Variants in ABCG8 observed in about 807,000 individuals in gnomAD.
The protein encoded by ABCG8 is ATP binding cassette subfamily G member 8.
ABCG8 carries 81 observed loss-of-function variants against 71.3 expected under a neutral mutation model. The observed-to-expected ratio is 1.14, with a 90% CI of 0.95 to 1.37. The LOEUF (loss-of-function observed/expected upper bound fraction) is 1.37. Ranked by LOEUF, ABCG8 falls within the 40% of genes most tolerant of loss-of-function variation. ABCG8 has a pLI of 0.00. For missense variants in ABCG8, 1,119 were observed against 866.2 expected (o/e 1.29, Z -3.66); for synonymous variants, 451 against 354.7 (o/e 1.27, Z -3.05).
intron 6 of ABCG8, among the ~76,000 whole-genome samples, chr2:43,857,464 G>C (rs190898285): frequency 6.6e-6 from 1 of 151,120 alleles, no homozygotes; most frequent in African/African-American, 2.4e-5. Flanking sequence ...ACTCTATATA[G>C]AACTCTCACT....
At chr2:43,846,593 G>C (rs894120653) in intron 3 of ABCG8, 2 of 442,106 alleles carry the variant, frequency 4.5e-6, no homozygotes, top group Non-Finnish European at 8.4e-6. Flanking sequence ...CCTGGACGGA[G>C]AGATCAGCAA....
chr2:43,863,074 G>A (rs1374662730), intron 6 of ABCG8, among the ~76,000 whole-genome samples: 1 of 150,768 alleles, frequency 6.6e-6, no homozygotes, highest in African/African-American at 2.4e-5. Flanking sequence ...TATCTTGATA[G>A]GGTTCTCACC....
chr2:43,839,102 C>T lies in ABCG8; in HGVS notation c.49C>T (p.Pro17Ser), dbSNP rs1668464670. 1 of 1,551,234 alleles carries T rather than the reference C, an allele frequency of 6.4e-7. No individual in the cohort carries two copies. The highest frequency in any genetic ancestry group is 1.4e-5 in the African/African-American group (1 of 73,174). The stretch of plus-strand genomic sequence containing the variant: ...GAGAGGGCTGCCGAAAGGGGCCACT[C>T]CCCAGGATACCTCGGTGAGTGAGCA... ...EERGLPKGATPQDTSGLQDRL... is the reference protein window; with the variant it reads ...EERGLPKGATSQDTSGLQDRL... The change falls in exon 1 of 13, where the codon CCC (proline) becomes TCC (serine). Residue 17 changes from proline to serine, a missense_variant. Coordinates refer to ENST00000272286, the MANE Select transcript of ABCG8 (RefSeq NM_022437.3).
chr2:43,877,936 T>C lies in ABCG8; in HGVS notation c.*23T>C, dbSNP rs1385780959. On this transcript the variant is annotated 3_prime_UTR_variant, in exon 13 of 13. Coordinates refer to ENST00000272286, the MANE Select transcript of ABCG8 (RefSeq NM_022437.3). The stretch of plus-strand genomic sequence containing the variant: ...TGATTCACGCCAGACGTCTGCCCGC[T>C]GGTGGGGGACCTGAGCAGACCCTTC... 1 of 1,614,078 alleles carries C rather than the reference T, an allele frequency of 6.2e-7. No homozygotes were observed.
chr2:43,860,346 C>T (rs1413859572), intron 6 of ABCG8, among the ~76,000 whole-genome samples: 1 of 148,864 alleles, frequency 6.7e-6, no homozygotes, highest in African/African-American at 2.5e-5. Flanking sequence ...ATAGAACTCT[C>T]ACTATTTGGA....
At position 43,882,860 on chromosome 2, in the gene ABCG8, T is replaced by C. The variant is rs1670169101; in HGVS notation, c.*4947T>C. On this transcript the variant is annotated 3_prime_UTR_variant, in exon 13 of 13. Coordinates refer to ENST00000272286, the MANE Select transcript of ABCG8 (RefSeq NM_022437.3). ...CCAACTCAAAAACACTTCTCTGCTTTCTATGTAATAGTGCTCACATCATTT... is the reference window on the plus strand; with the variant it reads ...CCAACTCAAAAACACTTCTCTGCTTCCTATGTAATAGTGCTCACATCATTT... 1 of 152,286 alleles carries C rather than the reference T, an allele frequency of 6.6e-6. No individual in the cohort carries two copies. The highest frequency in any genetic ancestry group is 1.5e-5 in the Non-Finnish European group (1 of 68,052). The allele number at this position is 152,286 out of a possible 1,614,324, so 9.4% of individuals were successfully genotyped here.
intron 6 of ABCG8, among the ~76,000 whole-genome samples, chr2:43,862,942 G>C (rs1669379943): frequency 6.6e-6 from 1 of 150,858 alleles, no homozygotes; most frequent in South Asian, 2.1e-4. Flanking sequence ...TCACTCTCTG[G>C]ATAGAACTCT....
chr2:43,839,061 G>T lies in ABCG8; in HGVS notation c.8G>T (p.Gly3Val), dbSNP rs778143236. The T allele has an allele frequency of 5.2e-6, 8 of 1,550,974 alleles. No homozygotes were observed. The highest frequency in any genetic ancestry group is 5.2e-6 in the Non-Finnish European group (6 of 1,146,802). MAGKAAEERGLPK... is the reference protein window; with the variant it reads MAVKAAEERGLPK... ...CACAGACCTGTGGGCCCCATGGCCG[G>T]GAAGGCGGCAGAGGAGAGAGGGCTG... Residue 3 changes from glycine to valine, a missense_variant, in exon 1 of 13, where the codon GGG (glycine) becomes GTG (valine). Gly to Val is a moderately radical substitution (Grantham distance 109, BLOSUM62 -3). Coordinates refer to ENST00000272286, the MANE Select transcript of ABCG8 (RefSeq NM_022437.3).
intron 6 of ABCG8, among the ~76,000 whole-genome samples, chr2:43,865,767 A>C (rs1220382055): frequency 1.4e-4 from 22 of 151,830 alleles, no homozygotes; most frequent in Non-Finnish European, 1.5e-5. Flanking sequence ...AAGTCTCACT[A>C]TCAGTCTGGA....
chr2:43,872,164 G>A lies in ABCG8; in HGVS notation c.1127+26G>A, dbSNP rs775349904. On this transcript the variant is annotated intron_variant, in intron 7 of 12. Coordinates refer to ENST00000272286, the MANE Select transcript of ABCG8 (RefSeq NM_022437.3). ...GTAAGGTGGCAGGCGACTCTGAGAG[G>A]AGAGCTCCCTGCAGAAGGTGGCTGC... is the stretch of plus-strand genomic sequence containing the variant. 4 of 1,613,940 alleles carry A rather than the reference G, an allele frequency of 2.5e-6. No individual in the cohort carries two copies. The Admixed American group carries it at 5.0e-5, about 20-fold the overall frequency.
At position 43,875,378 on chromosome 2, in the gene ABCG8, G is replaced by A. The variant is rs1325979386; in HGVS notation, c.1721G>A (p.Gly574Glu). 7 of 1,614,112 alleles carry A rather than the reference G, an allele frequency of 4.3e-6. No homozygotes were observed. The South Asian group carries it at 4.4e-5, about 10-fold the overall frequency. ...CTCTACAACTCCTTCTACCTCGCCG[G>A]GGGCTTCATGATAAACTTGAGCAGC... ...NALYNSFYLAGGFMINLSSLW... is the reference protein window; with the variant it reads ...NALYNSFYLAEGFMINLSSLW... The change falls in exon 11 of 13, where the codon GGG (glycine) becomes GAG (glutamate). Residue 574 changes from glycine to glutamate, a missense_variant. Gly to Glu is a moderately conservative substitution (Grantham distance 98). Transcript: ENST00000272286.
In ABCG8 at chr2:43,839,135, G is replaced by C; in HGVS notation, c.63+19G>C. 1 of 1,551,054 alleles carries C rather than the reference G, an allele frequency of 6.4e-7. No individual in the cohort carries two copies. Among genetic ancestry groups the C allele is most frequent in the Non-Finnish European group, 8.7e-7 (1 of 1,146,684 alleles). On this transcript the variant is annotated intron_variant, in intron 1 of 12. Coordinates refer to ENST00000272286, the MANE Select transcript of ABCG8 (RefSeq NM_022437.3). ...TACCTCGGTGAGTGAGCAATGGGAA[G>C]TCGGCCCAGGCCTGGTGGGCGGGTA...
At chr2:43,860,625 A>G (rs1383031673) in intron 6 of ABCG8, among the ~76,000 whole-genome samples, 1 of 146,396 alleles carries the variant, frequency 6.8e-6, no homozygotes, top group Non-Finnish European at 1.5e-5. Context: ...AACTCTCACT[A>G]CCTATCTGGA....
intron 10 of ABCG8, 150 bp downstream of exon 10, chr2:43,874,633 G>T: frequency 1.4e-6 from 1 of 725,158 alleles, no homozygotes; most frequent in Non-Finnish European, 2.5e-6. Context: ...CATTTTCTAG[G>T]GGAGTTTCAG....
At chr2:43,843,546 G>A (rs1418320436) in intron 1 of ABCG8, among the ~76,000 whole-genome samples, 2 of 151,994 alleles carry the variant, frequency 1.3e-5, no homozygotes, top group African/African-American at 4.8e-5. Flanking sequence ...TGGGTGTGGT[G>A]GGGAGGCTGA....
rs199503757 is a variant in ABCG8, at chr2:43,852,295, A to G, written c.562-59A>G. On this transcript the variant is annotated intron_variant, in intron 4 of 12. Transcript: ENST00000272286. ...GGGCGCCTTTATCCTTGGGGTCACA[A>G]TGTGTCCAGCCCTGAAGGAGGCCCC... The G allele has an allele frequency of 2.9e-4, 473 of 1,610,362 alleles. 2 individuals are homozygous for G. Among genetic ancestry groups the G allele is most frequent in the Non-Finnish European group, 6.3e-5 (74 of 1,179,424 alleles).
intron 8 of ABCG8, among the ~76,000 whole-genome samples, chr2:43,873,053 C>T (rs1227772826): frequency 2.0e-5 from 3 of 152,128 alleles, no homozygotes; most frequent in Non-Finnish European, 4.4e-5. Flanking sequence ...CTCTACCTCC[C>T]GTCTGATTGG....
intron 4 of ABCG8, 97 bp from the exon 5 acceptor site, chr2:43,852,257 C>A: frequency 1.3e-6 from 2 of 1,566,126 alleles, no homozygotes; most frequent in Non-Finnish European, 8.7e-7. Flanking sequence ...CTTTCAAACC[C>A]AGCCGGAGGA....
rs762908915 is a variant in ABCG8, at chr2:43,875,374, G to A, written c.1717G>A (p.Ala573Thr). 3.3e-5 allele frequency: 53 copies of A among 1,613,916 alleles called. No individual in the cohort carries two copies. Among genetic ancestry groups the A allele is most frequent in the East Asian group, 8.9e-5 (4 of 44,882 alleles). ...SNALYNSFYL[A>T]GGFMINLSSL... Reference sequence around the variant, plus strand: ...TGCCCTCTACAACTCCTTCTACCTCGCCGGGGGCTTCATGATAAACTTGAG... The same window carrying A: ...TGCCCTCTACAACTCCTTCTACCTCACCGGGGGCTTCATGATAAACTTGAG... The change falls in exon 11 of 13, where the codon GCC (alanine) becomes ACC (threonine). Residue 573 changes from alanine (A) to threonine (T), a missense_variant. By Grantham distance (58) the Ala-to-Thr change is moderately conservative (BLOSUM62 0). Transcript: ENST00000272286.
Sources: allele counts gnomAD v4.1 joint callset (sites outside exome capture counted in the v4.1 genomes callset), GRCh38; gene constraint gnomAD v4.1.1; transcripts MANE v1.5; gene names NCBI Gene and HGNC (gene_info 2026-07-23, HGNC 2026-07-21).